The following RALGPS1 variants were observed in gnomAD, a reference collection of about 807,000 sequenced individuals.
RALGPS1 encodes the protein ras-specific guanine nucleotide-releasing factor RalGPS1.
In RALGPS1, 19 loss-of-function variants were observed where a neutral mutation model predicts 78.8. The observed-to-expected ratio is 0.24, with a 90% CI of 0.17 to 0.35. The LOEUF (loss-of-function observed/expected upper bound fraction) is 0.35. Among genes scored for constraint, RALGPS1 ranks in the 10% least tolerant of loss-of-function variants. The pLI is 1.00. For missense variants in RALGPS1, 454 were observed against 688.3 expected, an observed-to-expected ratio of 0.66 and a Z score of 3.81; for synonymous variants, 228 against 256.3, an observed-to-expected ratio of 0.89 and a Z score of 1.06.
At position 126,977,710 on chromosome 9, in the gene RALGPS1, A is replaced by C; in HGVS notation, c.181A>C (p.Met61Leu). 6.3e-7 allele frequency: 1 copy of C among 1,599,420 alleles called. No homozygotes were observed. The highest frequency in any genetic ancestry group is 8.5e-7 in the Non-Finnish European group (1 of 1,172,082). Residue 61 changes from methionine to leucine, a missense_variant, in exon 4 of 19, where the codon ATG becomes CTG. Transcript: ENST00000259351. ...PEEFASQITL[M>L]DIPVFKAIQP... ...TTTGTTGCAGAGCCAGATTACATTA[A>C]TGGATATACCTGTGTTTAAAGCTAT... is the stretch of plus-strand genomic sequence containing the variant.
chr9:127,103,079 C>T (rs192651334), intron 8 of RALGPS1, among the ~76,000 whole-genome samples: 4 of 152,342 alleles, frequency 2.6e-5, no homozygotes, highest in Non-Finnish European at 5.9e-5. Context: ...CTGAAGCTGA[C>T]CCAGCCACAC....
chr9:126,915,108 C>A (rs540883600), intron 1 of RALGPS1, 133 bp downstream of exon 1: 1,830 of 134,590 alleles, frequency 0.014, 25 homozygotes, highest in Non-Finnish European at 0.023. Context: ...CCCCGAGGGC[C>A]GCCGAAGCCG....
chr9:127,166,036 C>T (rs2059273738), intron 8 of RALGPS1, 33 bp from the exon 9 acceptor site: 2 of 1,587,484 alleles, frequency 1.3e-6, no homozygotes, highest in South Asian at 1.1e-5. Context: ...GTGGTAAGCT[C>T]CTTCCATCAT....
At chr9:127,206,689 G>C (rs1234749975) in intron 14 of RALGPS1, among the ~76,000 whole-genome samples, 1 of 152,064 alleles carries the variant, frequency 6.6e-6, no homozygotes, top group East Asian at 1.9e-4. Flanking sequence ...AGATTACCAA[G>C]GCCTCAACAT....
chr9:127,101,816 T>A (rs1407970206), intron 8 of RALGPS1, among the ~76,000 whole-genome samples: 1 of 152,236 alleles, frequency 6.6e-6, no homozygotes, highest in African/African-American at 2.4e-5. Context: ...GTTGCATTTA[T>A]AACGTAAACA....
chr9:126,920,700 T>C (rs1330603407), intron 1 of RALGPS1, among the ~76,000 whole-genome samples: 1 of 152,214 alleles, frequency 6.6e-6, no homozygotes, highest in African/African-American at 2.4e-5. Flanking sequence ...TAACCTGCCT[T>C]GCTGGGCTCT....
At chr9:126,990,418 G>A (rs758862325) in intron 4 of RALGPS1, among the ~76,000 whole-genome samples, 10 of 152,088 alleles carry the variant, frequency 6.6e-5, no homozygotes, top group African/African-American at 1.9e-4. Flanking sequence ...CCTGCTTAGC[G>A]CCCTCTGTGG....
At chr9:127,061,141 C>T (rs932942179) in intron 7 of RALGPS1, among the ~76,000 whole-genome samples, 4 of 152,108 alleles carry the variant, frequency 2.6e-5, no homozygotes, top group East Asian at 1.9e-4. Flanking sequence ...ACATAATAGA[C>T]GCATTTTGAC....
rs147858046 is a variant in RALGPS1, at chr9:127,154,494, G to C, written c.611-11575G>C. Among the ~76,000 whole-genome samples the C allele has an allele frequency of 2.6e-3, 391 of 152,278 alleles. 2 individuals carry two copies. The highest frequency in any genetic ancestry group is 8.8e-3 in the African/African-American group (367 of 41,554). ...ATCAGATGCCTTCTTCCTTCCAGAG[G>C]GCCCAAGGAACCTCTCAGTATTTCA... On this transcript the variant is annotated intron_variant, in intron 8 of 18. Transcript: ENST00000259351.
intron 8 of RALGPS1, among the ~76,000 whole-genome samples, chr9:127,070,408 A>G (rs930931251): frequency 2.0e-5 from 3 of 152,200 alleles, no homozygotes; most frequent in Non-Finnish European, 1.5e-5. Context: ...AGTTATGATT[A>G]TTACCTTGTG....
chr9:126,916,371 G>C (rs10987519), intron 1 of RALGPS1, among the ~76,000 whole-genome samples: 57,412 of 152,134 alleles, frequency 0.38, 12,667 homozygotes, highest in Non-Finnish European at 0.48. Context: ...CAGAACATTT[G>C]TTTGCTGACC....
At chr9:126,944,750 C>T (rs1400625357) in intron 1 of RALGPS1, among the ~76,000 whole-genome samples, 3 of 152,144 alleles carry the variant, frequency 2.0e-5, no homozygotes, top group African/African-American at 4.8e-5. Flanking sequence ...GTTTACTGAA[C>T]TACAGACCTT....
intron 8 of RALGPS1, among the ~76,000 whole-genome samples, chr9:127,113,399 G>GT (rs1360211184): frequency 2.0e-5 from 3 of 151,784 alleles, no homozygotes; most frequent in East Asian, 3.9e-4. Flanking sequence ...CCCCCCAGCA[G>GT]TTTTTTGCCA....
intron 8 of RALGPS1, among the ~76,000 whole-genome samples, chr9:127,138,983 A>T (rs769059212): frequency 6.6e-6 from 1 of 152,084 alleles, no homozygotes; most frequent in African/African-American, 2.4e-5. Context: ...AGAGATGGGG[A>T]TTCCTGGTTT....
At position 127,039,276 on chromosome 9, in the gene RALGPS1, G is replaced by C. The variant is rs147274733; in HGVS notation, c.300+4762G>C. Among the ~76,000 whole-genome samples, 853 of 152,290 alleles carry C rather than the reference G, an allele frequency of 5.6e-3. 1 individual carries two copies. The highest frequency in any genetic ancestry group is 8.3e-3 in the Non-Finnish European group (564 of 68,024). On this transcript the variant is annotated intron_variant, in intron 5 of 18. Coordinates refer to ENST00000259351, the MANE Select transcript of RALGPS1 (RefSeq NM_014636.3). ...AGCAGAACACTTGGTGATATGGAAA[G>C]GGCAGTATCTGGAAATCAGTGTTTC...
chr9:127,088,684 A>G (rs2052064357), intron 8 of RALGPS1: 2 of 531,938 alleles, frequency 3.8e-6, no homozygotes, highest in Non-Finnish European at 6.7e-6. Flanking sequence ...TTATTTAAAG[A>G]AAGAGTTGTC....
chr9:127,191,841 G>A (rs2061069935), intron 11 of RALGPS1, among the ~76,000 whole-genome samples: 2 of 151,928 alleles, frequency 1.3e-5, no homozygotes, highest in South Asian at 4.2e-4. Flanking sequence ...GGGACTACAG[G>A]CACCTGCCAC....
intron 8 of RALGPS1, among the ~76,000 whole-genome samples, chr9:127,109,763 T>G (rs1235474509): frequency 6.6e-6 from 1 of 152,206 alleles, no homozygotes; most frequent in Admixed American, 6.5e-5. Flanking sequence ...TTTCACATCA[T>G]TATGCCATTC....
In RALGPS1 at chr9:126,914,922, G is replaced by A. The variant is rs1588410281; in HGVS notation, c.-119G>A. The A allele has an allele frequency of 6.6e-6, 1 of 151,722 alleles. No homozygotes were observed. The highest frequency in any genetic ancestry group is 1.9e-4 in the East Asian group (1 of 5,144). 9.4% of individuals were successfully genotyped at this position (151,722 alleles called of 1,614,324 possible). ...CCAAGCGAAGGCGCCGCTGCCGCTG[G>A]GCCGCTCCCAGGGCCATGAGGAAGC... On this transcript the variant is annotated 5_prime_UTR_variant, in exon 1 of 19. Coordinates refer to ENST00000259351, the MANE Select transcript of RALGPS1 (RefSeq NM_014636.3).
Sources: allele counts gnomAD v4.1 joint callset (sites outside exome capture counted in the v4.1 genomes callset), GRCh38; gene constraint gnomAD v4.1.1; transcripts MANE v1.5; gene names NCBI Gene and HGNC (gene_info 2026-07-23, HGNC 2026-07-21).